The following ADAM10 variants were observed in gnomAD, a reference collection of about 807,000 sequenced individuals.
ADAM10 encodes the protein disintegrin and metalloproteinase domain-containing protein 10.
A neutral mutation model predicts 90.1 loss-of-function variants in ADAM10; 17 were observed. That is an observed-to-expected ratio of 0.19 (90% CI 0.13 to 0.28). The LOEUF is 0.28. Ranked by LOEUF, ADAM10 falls within the 10% of genes least tolerant of loss-of-function variation. The probability of loss-of-function intolerance (pLI) is 1.00; values close to 1 mark genes in which losing one functional copy is unlikely to be tolerated. For synonymous variants in ADAM10, 310 were observed against 298.6 expected (o/e 1.04, Z -0.40); for missense variants, 610 against 914.3 (o/e 0.67, Z 4.29).
At chr15:58,721,873 C>T (rs953814869) in intron 1 of ADAM10, among the ~76,000 whole-genome samples, 37 of 149,530 alleles carry the variant, frequency 2.5e-4, no homozygotes, top group Non-Finnish European at 3.0e-5. Context: ...GCTAAAAATA[C>T]AAAAAATAGC....
intron 1 of ADAM10, among the ~76,000 whole-genome samples, chr15:58,738,937 GCCA>G (rs1472389230): frequency 1.3e-5 from 2 of 151,936 alleles, no homozygotes; most frequent in South Asian, 2.1e-4. Flanking sequence ...CACTCACACA[GCCA>G]CCACCTCACT....
In ADAM10 at chr15:58,595,565, T is replaced by A. The variant is rs1419324371; in HGVS notation, c.*1982A>T. 6.6e-6 allele frequency: 1 copy of A among 152,182 alleles called. No homozygotes were observed. The highest frequency in any genetic ancestry group is 1.5e-5 in the Non-Finnish European group (1 of 68,000). The allele number at this position is 152,182 out of a possible 1,614,324, so 9.4% of individuals were successfully genotyped here. A position where few individuals can be genotyped will look rare whatever the true frequency, so the allele number is the denominator to read the frequency against. On this transcript the variant is annotated 3_prime_UTR_variant, in exon 16 of 16. Coordinates refer to ENST00000260408, the MANE Select transcript of ADAM10 (RefSeq NM_001110.4). ...TGACAGTAGTATTAGATCTCATTTGTCTTGATCCTTTTATATTACCACATC... is the reference window on the plus strand; with the variant it reads ...TGACAGTAGTATTAGATCTCATTTGACTTGATCCTTTTATATTACCACATC...
chr15:58,714,707 T>C (rs577777730), intron 2 of ADAM10, among the ~76,000 whole-genome samples: 20 of 152,068 alleles, frequency 1.3e-4, no homozygotes, highest in African/African-American at 4.8e-4. Flanking sequence ...AAATAAAACA[T>C]ATTCGTATTA....
In ADAM10 at chr15:58,599,650, A is replaced by G. The variant is rs1895055499; in HGVS notation, c.2100T>C (p.Ser700=). The G allele has an allele frequency of 6.2e-7, 1 of 1,613,544 alleles. No individual in the cohort carries two copies. The highest frequency in any genetic ancestry group is 8.5e-7 in the Non-Finnish European group (1 of 1,179,688). ...MLMAGFIKIC[S]VHTPSSNPKL... ...TTGGATTACTACTTGGAGTATGAAC[A>G]CTGCATATCTTAATAAATCCAGCCA... The change falls in exon 15 of 16, where the codon AGT becomes AGC. Residue 700 remains serine, a synonymous_variant. Transcript: ENST00000260408.
intron 9 of ADAM10, 64 bp downstream of exon 9, chr15:58,633,132 A>G (rs1896148380): frequency 1.4e-6 from 2 of 1,455,722 alleles, no homozygotes; most frequent in Admixed American, 1.7e-5. Flanking sequence ...ATTTTAAATA[A>G]ATCACTCAAC....
chr15:58,683,712 T>A (rs1555417668), intron 2 of ADAM10, among the ~76,000 whole-genome samples: 1 of 151,682 alleles, frequency 6.6e-6, no homozygotes, highest in Non-Finnish European at 1.5e-5. Context: ...ATACAAAAAC[T>A]AGCCAGGCAT....
chr15:58,603,106 G>C (rs573663517), intron 14 of ADAM10, among the ~76,000 whole-genome samples: 25 of 151,894 alleles, frequency 1.6e-4, no homozygotes, highest in Admixed American at 5.2e-4. Flanking sequence ...TTTTTTTTAA[G>C]TTTTATTTTG....
At chr15:58,658,335 T>C (rs1351928715) in intron 5 of ADAM10, among the ~76,000 whole-genome samples, 1 of 152,212 alleles carries the variant, frequency 6.6e-6, no homozygotes, top group African/African-American at 2.4e-5. Context: ...GTGGACTCTC[T>C]ATGTTGCTAC....
intron 1 of ADAM10, among the ~76,000 whole-genome samples, chr15:58,736,395 A>C (rs1269607732): frequency 2.6e-5 from 4 of 151,850 alleles, no homozygotes; most frequent in African/African-American, 9.7e-5. Flanking sequence ...AATACTTATA[A>C]GCCCCATGGG....
At chr15:58,626,779 G>A (rs565676951) in intron 10 of ADAM10, among the ~76,000 whole-genome samples, 1 of 152,210 alleles carries the variant, frequency 6.6e-6, no homozygotes, top group African/African-American at 2.4e-5. Flanking sequence ...GACAGAAAGT[G>A]GATTAGAGGT....
At chr15:58,728,458 T>C (rs760624024) in intron 1 of ADAM10, among the ~76,000 whole-genome samples, 17 of 152,028 alleles carry the variant, frequency 1.1e-4, no homozygotes, top group Non-Finnish European at 2.2e-4. Context: ...AATAAAAATA[T>C]TGAGGCCAGG....
chr15:58,687,445 T>C (rs1366784527), intron 2 of ADAM10, among the ~76,000 whole-genome samples: 1 of 152,172 alleles, frequency 6.6e-6, no homozygotes, highest in Non-Finnish European at 1.5e-5. Flanking sequence ...CCTAAAAGAA[T>C]TCTTAACTTC....
intron 5 of ADAM10, among the ~76,000 whole-genome samples, chr15:58,661,315 C>T (rs981852369): frequency 2.0e-5 from 3 of 152,062 alleles, no homozygotes; most frequent in African/African-American, 7.2e-5. Flanking sequence ...GAAGAACTTC[C>T]TTTAATGTTT....
chr15:58,673,164 C>CAA (rs1335599997), intron 4 of ADAM10, among the ~76,000 whole-genome samples: 1 of 152,138 alleles, frequency 6.6e-6, no homozygotes, highest in Admixed American at 6.5e-5. Context: ...GAAGGACAGA[C>CAA]AGACGGACAG....
rs2140860084 is a variant in ADAM10, at chr15:58,749,593, C to T, written c.-59G>A. 4 of 1,547,444 alleles carry T rather than the reference C, an allele frequency of 2.6e-6. No homozygotes were observed. The highest frequency in any genetic ancestry group is 3.5e-6 in the Non-Finnish European group (4 of 1,144,898). On this transcript the variant is annotated 5_prime_UTR_variant, in exon 1 of 16. Coordinates refer to ENST00000260408, the MANE Select transcript of ADAM10 (RefSeq NM_001110.4). ...CACGGGTTAACAGCAGCACATCGAT[C>T]CGGAGGGAGAAGCTGAAGGGGCTTG...
At chr15:58,738,599 T>A (rs890777250) in intron 1 of ADAM10, among the ~76,000 whole-genome samples, 1 of 152,212 alleles carries the variant, frequency 6.6e-6, no homozygotes, top group African/African-American at 2.4e-5. Flanking sequence ...AATCAGCTAG[T>A]CTCTAAGAAG....
chr15:58,621,991 C>CT (rs560280247), intron 10 of ADAM10, among the ~76,000 whole-genome samples: 301 of 152,050 alleles, frequency 2.0e-3, no homozygotes, highest in Non-Finnish European at 3.7e-3. Context: ...AAAATTAAGC[C>CT]TTTTTTTGCA....
At chr15:58,685,644 A>C (rs1242858837) in intron 2 of ADAM10, among the ~76,000 whole-genome samples, 2 of 149,818 alleles carry the variant, frequency 1.3e-5, no homozygotes, top group Non-Finnish European at 3.0e-5. Flanking sequence ...ACACATTATA[A>C]GAATGTGCAT....
chr15:58,610,822 T>C (rs2140997971), intron 13 of ADAM10, 177 bp downstream of exon 13: 1 of 658,226 alleles, frequency 1.5e-6, no homozygotes, highest in East Asian at 2.7e-5. Flanking sequence ...TTTAAAACAT[T>C]GTAGAGACCA....
Sources: gnomAD v4.1 joint callset for allele counts (sites outside exome capture counted in the v4.1 genomes callset) on GRCh38, gnomAD v4.1.1 for gene constraint, MANE v1.5 for transcripts, NCBI Gene and HGNC (gene_info 2026-07-23, HGNC 2026-07-21) for gene names.